The following WRN variants were observed in gnomAD, a reference collection of about 807,000 sequenced individuals.
WRN encodes bifunctional 3'-5' exonuclease/ATP-dependent helicase WRN.
In WRN, 149 loss-of-function variants were observed where a neutral mutation model predicts 180.7. The ratio of observed to expected loss-of-function variants is 0.82; its 90% CI spans 0.72 to 0.94. WRN has a LOEUF of 0.94. Ranked by LOEUF, WRN falls within the 40% of genes least tolerant of loss-of-function variation. The pLI, the probability that WRN is intolerant of heterozygous loss-of-function variation, is 0.00. For synonymous variants in WRN, 548 were observed against 568.9 expected, an observed-to-expected ratio of 0.96 and a Z score of 0.52; for missense variants, 1,661 against 1,700.1, an observed-to-expected ratio of 0.98 and a Z score of 0.40.
At chr8:31,072,441 T>C (rs1186734160) in intron 7 of WRN, among the ~76,000 whole-genome samples, 2 of 152,134 alleles carry the variant, frequency 1.3e-5, no homozygotes, top group East Asian at 3.9e-4. Flanking sequence ...CCTATAACCA[T>C]AGCAAGAGAA....
chr8:31,144,098 T>C (rs1802768673), intron 28 of WRN, among the ~76,000 whole-genome samples: 1 of 152,200 alleles, frequency 6.6e-6, no homozygotes, highest in African/African-American at 2.4e-5. Flanking sequence ...CTGGCTTTAT[T>C]GTGACTTGCA....
intron 21 of WRN, among the ~76,000 whole-genome samples, chr8:31,122,214 A>G (rs892103097): frequency 1.3e-5 from 2 of 152,022 alleles, no homozygotes; most frequent in Admixed American, 6.6e-5. Flanking sequence ...ATCAATCCTG[A>G]GGAAACTAAA....
intron 24 of WRN, among the ~76,000 whole-genome samples, 184 bp downstream of exon 24, chr8:31,132,690 G>A (rs534054492): frequency 6.6e-6 from 1 of 152,298 alleles, no homozygotes; most frequent in African/African-American, 2.4e-5. Flanking sequence ...CGTGTGTATG[G>A]CATCTTCTGC....
chr8:31,086,478 G>A, intron 11 of WRN, among the ~76,000 whole-genome samples: 1 of 152,080 alleles, frequency 6.6e-6, no homozygotes, highest in East Asian at 1.9e-4. Context: ...GGAGGCTGAG[G>A]TGGGAGGATC....
At chr8:31,150,285 C>CTG in intron 30 of WRN, 56 bp from the exon 31 acceptor site, 2 of 1,374,708 alleles carry the variant, frequency 1.5e-6, no homozygotes, top group Non-Finnish European at 2.1e-6. Context: ...TGGAGTGATA[C>CTG]TGTTTCAGTG....
At position 31,141,681 on chromosome 8, in the gene WRN, G is replaced by T; in HGVS notation, c.3139G>T (p.Gly1047Cys). 6.2e-7 allele frequency: 1 copy of T among 1,614,002 alleles called. No homozygotes were observed. The highest frequency in any genetic ancestry group is 8.5e-7 in the Non-Finnish European group (1 of 1,179,982). ...AAAAGATCCTTTTTGCTTTTAATAGGGTAGAAATTGGCTTCATAAAGCTAA... is the reference window on the plus strand; with the variant it reads ...AAAAGATCCTTTTTGCTTTTAATAGTGTAGAAATTGGCTTCATAAAGCTAA... ...FMKICALTKK[G>C]RNWLHKANTE... The change falls in exon 26 of 35, where the codon GGT (glycine) becomes TGT (cysteine). Residue 1047 changes from glycine to cysteine, a missense_variant and splice_region_variant. Transcript: ENST00000298139.
intron 18 of WRN, 52 bp from the exon 19 acceptor site, chr8:31,111,563 T>C: frequency 1.9e-6 from 3 of 1,587,336 alleles, no homozygotes; most frequent in Non-Finnish European, 2.6e-6. Flanking sequence ...ATAGACATGT[T>C]GGGAATGAAT....
At chr8:31,063,402 CA>C (rs1812569063) in intron 3 of WRN, among the ~76,000 whole-genome samples, 1 of 152,062 alleles carries the variant, frequency 6.6e-6, no homozygotes, top group African/African-American at 2.4e-5. Context: ...TAATTTTTGC[CA>C]GTAGGAACAG....
At chr8:31,058,269 T>C in intron 1 of WRN, 103 bp from the exon 2 acceptor site, 1 of 584,128 alleles carries the variant, frequency 1.7e-6, no homozygotes, top group Non-Finnish European at 3.1e-6. Flanking sequence ...CTGTTTTGTT[T>C]TGTGATTCTA....
In WRN at chr8:31,135,637, A is replaced by G. The variant is rs567824450; in HGVS notation, c.2967+3131A>G. Among the ~76,000 whole-genome samples, 10 of 152,218 alleles carry G rather than the reference A, an allele frequency of 6.6e-5. No individual in the cohort carries two copies. The South Asian group carries it at 1.9e-3, about 28-fold the overall frequency. ...TGTGAAGGTATCACTAGAACTTCCT[A>G]TTTTTGTGGAATATATAGTAGATTT... is the stretch of plus-strand genomic sequence containing the variant. On this transcript the variant is annotated intron_variant, in intron 24 of 34. Transcript: ENST00000298139.
chr8:31,056,798 T>C (rs1452794112), intron 1 of WRN, among the ~76,000 whole-genome samples: 2 of 152,314 alleles, frequency 1.3e-5, no homozygotes, highest in African/African-American at 4.8e-5. Context: ...AATCCATAAT[T>C]CCAGGCTTAT....
At chr8:31,105,883 A>C (rs1027925763) in intron 18 of WRN, among the ~76,000 whole-genome samples, 1 of 152,200 alleles carries the variant, frequency 6.6e-6, no homozygotes. Context: ...TGGTGTTGTC[A>C]CTATTAGTTC....
At chr8:31,141,798 T>G (rs1563376816) in intron 26 of WRN, 23 bp downstream of exon 26, 1 of 1,601,548 alleles carries the variant, frequency 6.2e-7, no homozygotes, top group Admixed American at 1.7e-5. Context: ...GTTTTTTTCT[T>G]GTAACTTCTG....
intron 1 of WRN, among the ~76,000 whole-genome samples, chr8:31,046,484 G>A (rs1029966962): frequency 6.6e-6 from 1 of 152,038 alleles, no homozygotes; most frequent in African/African-American, 2.4e-5. Flanking sequence ...ATAATTTCAT[G>A]TTCTCCAAAA....
chr8:31,150,445 A>G lies in WRN; in HGVS notation c.3677A>G (p.Asn1226Ser). 1 of 1,614,136 alleles carries G rather than the reference A, an allele frequency of 6.2e-7. No homozygotes were observed. The highest frequency in any genetic ancestry group is 1.1e-5 in the South Asian group (1 of 91,082). Residue 1226 changes from asparagine to serine, a missense_variant, in exon 31 of 35, where the codon AAT (asparagine) becomes AGT (serine). Asn to Ser is a conservative substitution (Grantham distance 46). This residue lies in a region of WRN where 1,141 missense variants were observed against 1,149.4 expected (regional missense o/e 0.99). Coordinates refer to ENST00000298139, the MANE Select transcript of WRN (RefSeq NM_000553.6). ...GTCATCAAACATTTCTGCCAAACAA[A>G]TAGTGTTCAGGTAAAATACTGTGGT... ...LEVIKHFCQT[N>S]SVQTDLFSST...
At position 31,157,510 on chromosome 8, in the gene WRN, G is replaced by A. The variant is rs766042685; in HGVS notation, c.3962G>A (p.Arg1321Gln). The change falls in exon 33 of 35, where the codon CGA becomes CAA. Residue 1321 changes from arginine to glutamine, a missense_variant. Arg to Gln is a conservative substitution (Grantham distance 43). Around this residue, in one of 3 missense-constraint regions of WRN, gnomAD observed 1,141 missense variants for 1,149.4 expected, o/e 0.99. Coordinates refer to ENST00000298139, the MANE Select transcript of WRN (RefSeq NM_000553.6). ...CAGAAGATTATTGCTGATGTTATCC[G>A]AAACCCTCCCGTCAACTCAGGTGAG... ...EVQKIIADVI[R>Q]NPPVNSDMSK... The A allele has an allele frequency of 3.4e-5, 55 of 1,613,926 alleles. No homozygotes were observed. The highest frequency in any genetic ancestry group is 1.0e-4 in the Admixed American group (6 of 59,978).
At chr8:31,155,583 C>A (rs1363792117) in intron 32 of WRN, among the ~76,000 whole-genome samples, 4 of 145,618 alleles carry the variant, frequency 2.7e-5, no homozygotes, top group African/African-American at 1.0e-4. Flanking sequence ...GATTGCGACA[C>A]TGCATTCCAA....
chr8:31,133,448 G>C (rs1007211175), intron 24 of WRN, among the ~76,000 whole-genome samples: 6 of 151,948 alleles, frequency 3.9e-5, no homozygotes, highest in Admixed American at 3.3e-4. Flanking sequence ...TGGCGTGAAC[G>C]TGGGAGGCGG....
intron 7 of WRN, among the ~76,000 whole-genome samples, chr8:31,072,835 G>A (rs772722923): frequency 3.3e-5 from 5 of 152,150 alleles, no homozygotes; most frequent in African/African-American, 4.8e-5. Context: ...CATTTCCTTT[G>A]GGTGAAGTGA....
Sources: allele counts gnomAD v4.1 joint callset (sites outside exome capture counted in the v4.1 genomes callset), GRCh38; gene constraint gnomAD v4.1.1; regional missense constraint gnomAD v4.1.1; transcripts MANE v1.5; gene names NCBI Gene and HGNC (gene_info 2026-07-23, HGNC 2026-07-21).